Variants in NALF1 observed in about 807,000 individuals in gnomAD.
NALF1 encodes the protein family with sequence similarity 155 member A.
Under a neutral mutation model 48.4 loss-of-function variants are expected in NALF1, and 3 were observed. That is an observed-to-expected ratio of 0.06 (90% CI 0.03 to 0.16). The LOEUF is 0.16. Among genes scored for constraint, NALF1 ranks in the 10% least tolerant of loss-of-function variants. NALF1 has a pLI of 1.00. For synonymous variants in NALF1, 262 were observed against 245.7 expected, an observed-to-expected ratio of 1.07 and a Z score of -0.62; for missense variants, 526 against 571.5, an observed-to-expected ratio of 0.92 and a Z score of 0.81.
At chr13:107,523,047 AT>A (rs1283365707) in intron 1 of NALF1, among the ~76,000 whole-genome samples, 4 of 152,170 alleles carry the variant, frequency 2.6e-5, no homozygotes, top group African/African-American at 9.7e-5. Flanking sequence ...CCATTTGGTA[AT>A]TGTTACTATA....
At position 107,502,533 on chromosome 13, in the gene NALF1, G is replaced by A. The variant is rs34281899; in HGVS notation, c.916-291778C>T. Among the ~76,000 whole-genome samples, 1,462 of 152,220 alleles carry A rather than the reference G, an allele frequency of 9.6e-3. 10 individuals are homozygous for A. Among genetic ancestry groups the A allele is most frequent in the Non-Finnish European group, 0.016 (1,083 of 68,006 alleles). ...TCCATGGAAACCACCTGTTCCACAT[G>A]GTTACCATCACCACAGGTTACCTTG... On this transcript the variant is annotated intron_variant, in intron 1 of 2. Transcript: ENST00000375915.
chr13:107,595,690 C>A (rs967672407), intron 1 of NALF1, among the ~76,000 whole-genome samples: 4 of 152,094 alleles, frequency 2.6e-5, no homozygotes, highest in Non-Finnish European at 5.9e-5. Context: ...ACATGCCCTG[C>A]CTAATATAGC....
chr13:107,383,559 T>C (rs1883476356), intron 1 of NALF1, among the ~76,000 whole-genome samples: 1 of 152,182 alleles, frequency 6.6e-6, no homozygotes, highest in Non-Finnish European at 1.5e-5. Context: ...TCATTATTCT[T>C]ACGAGGACTA....
At chr13:107,315,897 A>ATATT (rs548067246) in intron 1 of NALF1, among the ~76,000 whole-genome samples, 2 of 149,390 alleles carry the variant, frequency 1.3e-5, no homozygotes, top group South Asian at 2.1e-4. Context: ...ATATATATAT[A>ATATT]TATTTATTTA....
At chr13:107,735,966 T>C (rs1324100447) in intron 1 of NALF1, among the ~76,000 whole-genome samples, 3 of 152,222 alleles carry the variant, frequency 2.0e-5, no homozygotes, top group South Asian at 2.1e-4. Flanking sequence ...GCTTCTCTTA[T>C]GGCATTTGCC....
intron 2 of NALF1, among the ~76,000 whole-genome samples, chr13:107,180,377 A>T (rs2138773846): frequency 6.6e-6 from 1 of 152,198 alleles, no homozygotes; most frequent in Admixed American, 6.5e-5. Flanking sequence ...ATATTTTCTA[A>T]GGAAATCCTT....
chr13:107,676,691 G>A lies in NALF1; in HGVS notation c.915+188991C>T, dbSNP rs1881134574. ...CTACAATTTACAGAAAAGATGAAAG[G>A]GGAAGATATTTATCTTTGAAATATA... On this transcript the variant is annotated intron_variant, in intron 1 of 2. Coordinates refer to ENST00000375915, the MANE Select transcript of NALF1 (RefSeq NM_001080396.3). Among the ~76,000 whole-genome samples, 3 of 151,162 alleles carry A rather than the reference G, an allele frequency of 2.0e-5. No homozygotes were observed. In the South Asian group the frequency reaches 6.2e-4, roughly 31 times the overall value.
At chr13:107,363,345 G>GTGCTT (rs1883098446) in intron 1 of NALF1, among the ~76,000 whole-genome samples, 1 of 152,146 alleles carries the variant, frequency 6.6e-6, no homozygotes. Context: ...TATAATCAAA[G>GTGCTT]TGCTTTGGGA....
intron 2 of NALF1, among the ~76,000 whole-genome samples, chr13:107,205,790 T>C (rs1005159065): frequency 6.6e-6 from 1 of 152,086 alleles, no homozygotes; most frequent in African/African-American, 2.4e-5. Context: ...AATCAAATGA[T>C]AATTTTCTTA....
intron 1 of NALF1, among the ~76,000 whole-genome samples, chr13:107,695,688 A>G (rs1566447017): frequency 6.6e-6 from 1 of 151,798 alleles, no homozygotes; most frequent in African/African-American, 2.4e-5. Flanking sequence ...CTAGATGAGA[A>G]CTCTCTCTAT....
intron 1 of NALF1, among the ~76,000 whole-genome samples, chr13:107,358,557 C>A (rs188062378): frequency 6.6e-6 from 1 of 152,222 alleles, no homozygotes. Flanking sequence ...CACTAGGCCT[C>A]ATTGTGTAAG....
At chr13:107,374,985 G>A (rs1292944951) in intron 1 of NALF1, among the ~76,000 whole-genome samples, 1 of 152,112 alleles carries the variant, frequency 6.6e-6, no homozygotes, top group Non-Finnish European at 1.5e-5. Flanking sequence ...CAGACTAAGA[G>A]AGTATCCTCC....
rs529165572 is a variant in NALF1, at chr13:107,328,171, A to G, written c.916-117416T>C. ...GAGCTCAAGGGATCTACCCACCTCG[A>G]CCTCCCAAAGTGCTGGGATTACAGC... On this transcript the variant is annotated intron_variant, in intron 1 of 2. Coordinates refer to ENST00000375915, the MANE Select transcript of NALF1 (RefSeq NM_001080396.3). Among the ~76,000 whole-genome samples, 7 of 151,662 alleles carry G rather than the reference A, an allele frequency of 4.6e-5. No homozygotes were observed. In the South Asian group the frequency reaches 1.3e-3, roughly 27 times the overall value.
chr13:107,817,939 T>C (rs916148027), intron 1 of NALF1, among the ~76,000 whole-genome samples: 3 of 152,228 alleles, frequency 2.0e-5, no homozygotes, highest in African/African-American at 7.2e-5. Context: ...TATTGTTAGA[T>C]GCCTGTTAAG....
At position 107,811,138 on chromosome 13, in the gene NALF1, C is replaced by CT. The variant is rs1345439247; in HGVS notation, c.915+54543dup. On this transcript the variant is annotated intron_variant, in intron 1 of 2. Coordinates refer to ENST00000375915, the MANE Select transcript of NALF1 (RefSeq NM_001080396.3). ...ACTCAAGAGCTTCTGTTAAGAGGCA[C>CT]TTTTAAGCTTTGCATTATTCTTTAA... Among the ~76,000 whole-genome samples, 5 of 152,178 alleles carry CT rather than the reference C, an allele frequency of 3.3e-5. No individual in the cohort carries two copies. In the East Asian group the frequency reaches 9.7e-4, roughly 29 times the overall value.
chr13:107,521,583 G>C (rs1876239231), intron 1 of NALF1, among the ~76,000 whole-genome samples: 1 of 152,058 alleles, frequency 6.6e-6, no homozygotes, highest in Non-Finnish European at 1.5e-5. Flanking sequence ...TATCTTACAT[G>C]TAATGGTTTT....
At chr13:107,522,017 C>A (rs1346680245) in intron 1 of NALF1, among the ~76,000 whole-genome samples, 1 of 151,814 alleles carries the variant, frequency 6.6e-6, no homozygotes, top group African/African-American at 2.4e-5. Context: ...TTACTAGGTC[C>A]CTATCTTAAG....
chr13:107,583,971 C>T (rs1878382149), intron 1 of NALF1, among the ~76,000 whole-genome samples: 1 of 152,084 alleles, frequency 6.6e-6, no homozygotes, highest in Admixed American at 6.6e-5. Flanking sequence ...ATCTTAAATA[C>T]CCTTTATCTT....
chr13:107,773,107 G>T (rs184293263), intron 1 of NALF1, among the ~76,000 whole-genome samples: 29 of 152,140 alleles, frequency 1.9e-4, no homozygotes, highest in African/African-American at 6.8e-4. Context: ...ATGTCATTAA[G>T]AAGATGAAAC....
Sources: allele counts gnomAD v4.1 joint callset (sites outside exome capture counted in the v4.1 genomes callset), GRCh38; gene constraint gnomAD v4.1.1; transcripts MANE v1.5; gene names NCBI Gene and HGNC (gene_info 2026-07-23, HGNC 2026-07-21).